Variants in ADCY9 observed in about 807,000 individuals in gnomAD.
ADCY9 encodes the protein adenylate cyclase type 9.
Under a neutral mutation model 101.5 loss-of-function variants are expected in ADCY9, and 50 were observed. The ratio of observed to expected loss-of-function variants is 0.49; its 90% CI spans 0.39 to 0.62. ADCY9 has a LOEUF of 0.62. ADCY9 is among the 20% of genes least tolerant of loss of function. The pLI, the probability that ADCY9 is intolerant of heterozygous loss-of-function variation, is 0.00. For missense variants in ADCY9, 1,662 were observed against 1,800.4 expected (o/e 0.92, Z 1.39); for synonymous variants, 905 against 769.3 (o/e 1.18, Z -2.92).
chr16:4,033,208 A>G (rs1441233558), intron 2 of ADCY9, among the ~76,000 whole-genome samples: 1 of 152,184 alleles, frequency 6.6e-6, no homozygotes, highest in East Asian at 1.9e-4. Context: ...TAAAACTCTC[A>G]TAAGTTTTGG....
chr16:4,038,091 C>T (rs570494773), intron 2 of ADCY9, among the ~76,000 whole-genome samples: 1 of 152,118 alleles, frequency 6.6e-6, no homozygotes, highest in African/African-American at 2.4e-5. Context: ...CTAGGCAACA[C>T]AGCGAAGACT....
intron 2 of ADCY9, among the ~76,000 whole-genome samples, chr16:4,080,491 A>C (rs991718940): frequency 6.6e-6 from 1 of 152,106 alleles, no homozygotes; most frequent in African/African-American, 2.4e-5. Context: ...TCTTGGCCTC[A>C]AGAGTGATCC....
intron 2 of ADCY9, among the ~76,000 whole-genome samples, chr16:4,100,894 AGG>A (rs1489326510): frequency 6.6e-6 from 1 of 152,192 alleles, no homozygotes; most frequent in Non-Finnish European, 1.5e-5. Context: ...ACGTGAGGGC[AGG>A]GTACATGACA....
chr16:3,965,768 C>T lies in ADCY9; in HGVS notation c.*7G>A, dbSNP rs74003477. On this transcript the variant is annotated 3_prime_UTR_variant, in exon 11 of 11. Coordinates refer to ENST00000294016, the MANE Select transcript of ADCY9 (RefSeq NM_001116.4). Reference sequence around the variant, plus strand: ...CAGAGCACCTCGGGCAGCGGGTGGGCGCCGCCTCACACACTCTTTGAAACG... The same window carrying T: ...CAGAGCACCTCGGGCAGCGGGTGGGTGCCGCCTCACACACTCTTTGAAACG... The T allele has an allele frequency of 1.8e-4, 295 of 1,599,684 alleles. No individual in the cohort carries two copies. The African/African-American group carries it at 3.3e-3, about 18-fold the overall frequency.
At chr16:3,957,712 G>A (rs1047739913), downstream of ADCY9, among the ~76,000 whole-genome samples, 1 of 152,120 alleles carries the variant, frequency 6.6e-6, no homozygotes, top group Non-Finnish European at 1.5e-5. Context: ...TGGGGGTCCT[G>A]GGAGGGCAGG....
chr16:3,954,504 A>G (rs1285051143), intron 5 of ADCY9, among the ~76,000 whole-genome samples: 2 of 152,160 alleles, frequency 1.3e-5, no homozygotes, highest in Non-Finnish European at 2.9e-5. Flanking sequence ...TGCTGAAACC[A>G]GAAGGGACCT....
chr16:4,046,945 G>A (rs2056669090), intron 2 of ADCY9, among the ~76,000 whole-genome samples: 1 of 152,124 alleles, frequency 6.6e-6, no homozygotes, highest in South Asian at 2.1e-4. Flanking sequence ...TGGAGGTCGA[G>A]GCTGCAGTAA....
chr16:4,057,302 G>A (rs899654799), intron 2 of ADCY9, among the ~76,000 whole-genome samples: 3 of 151,852 alleles, frequency 2.0e-5, no homozygotes, highest in African/African-American at 7.3e-5. Flanking sequence ...TTTAATAACA[G>A]CTTTATTGAG....
chr16:3,955,958 G>C lies in ADCY9; in HGVS notation c.568-2442C>G, dbSNP rs149351996. The stretch of plus-strand genomic sequence containing the variant: ...AGCTCACTGCAGCTTCACCTCCTGC[G>C]CTCAAGCGATCCTCCCAACGCAGCC... On this transcript the variant is annotated intron_variant, in intron 5 of 5. Transcript: ENST00000576936. 1.2e-3 allele frequency among the ~76,000 whole-genome samples: 184 copies of C among 152,214 alleles called. 1 individual carries two copies. The highest frequency in any genetic ancestry group is 4.2e-3 in the African/African-American group (175 of 41,526).
intron 6 of ADCY9, among the ~76,000 whole-genome samples, chr16:3,985,889 C>T (rs1174116095): frequency 6.6e-6 from 1 of 152,200 alleles, no homozygotes; most frequent in Non-Finnish European, 1.5e-5. Flanking sequence ...ATCTGCCCCA[C>T]CCCTGTGCAT....
chr16:3,955,035 A>C (rs1298281474), intron 5 of ADCY9, among the ~76,000 whole-genome samples: 1 of 152,154 alleles, frequency 6.6e-6, no homozygotes, highest in Non-Finnish European at 1.5e-5. Context: ...CTTGGAAATG[A>C]GGGGCTGAAA....
chr16:3,988,479 A>G (rs375816451), intron 6 of ADCY9, among the ~76,000 whole-genome samples: 1,102 of 15,880 alleles, frequency 0.069, 63 homozygotes, highest in African/African-American at 0.22. Context: ...GGTGTGGGGG[A>G]TTCCCTTCCA....
intron 2 of ADCY9, among the ~76,000 whole-genome samples, chr16:4,044,145 G>A (rs904671732): frequency 6.6e-6 from 1 of 152,026 alleles, no homozygotes; most frequent in Admixed American, 6.6e-5. Flanking sequence ...TCAGGAGTTC[G>A]ACACCAGTCT....
At chr16:4,089,706 A>T (rs984635342) in intron 2 of ADCY9, among the ~76,000 whole-genome samples, 2 of 152,000 alleles carry the variant, frequency 1.3e-5, no homozygotes, top group African/African-American at 4.8e-5. Context: ...TAAAGGGGAA[A>T]GTCTGGGAGG....
intron 2 of ADCY9, among the ~76,000 whole-genome samples, chr16:4,036,971 T>A (rs1297564111): frequency 6.6e-6 from 1 of 152,038 alleles, no homozygotes; most frequent in African/African-American, 2.4e-5. Flanking sequence ...ACCTTTTAGC[T>A]CCCACATATA....
intron 2 of ADCY9, among the ~76,000 whole-genome samples, chr16:4,014,781 C>CTT (rs1480705603): frequency 1.3e-5 from 2 of 149,130 alleles, no homozygotes; most frequent in African/African-American, 2.5e-5. Flanking sequence ...TGCACGCATT[C>CTT]TCTCTCTCTC....
At chr16:4,045,024 C>T (rs370202256) in intron 2 of ADCY9, among the ~76,000 whole-genome samples, 4 of 152,112 alleles carry the variant, frequency 2.6e-5, no homozygotes, top group Non-Finnish European at 4.4e-5. Flanking sequence ...AATGCAAACT[C>T]GTATAAATTC....
intron 2 of ADCY9, among the ~76,000 whole-genome samples, chr16:4,026,631 C>G (rs1459021561): frequency 6.6e-6 from 1 of 152,162 alleles, no homozygotes; most frequent in African/African-American, 2.4e-5. Flanking sequence ...ACACTGTGGT[C>G]CCTCCCCACA....
In ADCY9 at chr16:3,966,042, C is replaced by G. The variant is rs367911334; in HGVS notation, c.3795G>C (p.Gln1265His). ...GAGACCGTCCGATGCTGCCATCCAC[C>G]TGGACGCGGATGTCTGGGGAGATGG... ...QLSISPDIRVQVDGSIGRSPT... is the reference protein window; with the variant it reads ...QLSISPDIRVHVDGSIGRSPT... Residue 1265 changes from glutamine (Q) to histidine (H), a missense_variant, in exon 11 of 11, where the codon CAG becomes CAC. Physicochemically the swap from Gln to His is conservative, Grantham distance 24 (BLOSUM62 0). Around this residue, in one of 5 missense-constraint regions of ADCY9, gnomAD observed 168 missense variants for 155.3 expected, o/e 1.08. Coordinates refer to ENST00000294016, the MANE Select transcript of ADCY9 (RefSeq NM_001116.4). 1.5e-5 allele frequency: 24 copies of G among 1,614,240 alleles called. No individual in the cohort carries two copies. In the Admixed American group the frequency reaches 1.7e-4, roughly 11 times the overall value.
Sources: allele counts gnomAD v4.1 joint callset (sites outside exome capture counted in the v4.1 genomes callset), GRCh38; gene constraint gnomAD v4.1.1; regional missense constraint gnomAD v4.1.1; transcripts MANE v1.5; gene names NCBI Gene and HGNC (gene_info 2026-07-23, HGNC 2026-07-21).